GNPTAB: variants seen among roughly 807,000 people sequenced by gnomAD.
GNPTAB encodes N-acetylglucosamine-1-phosphotransferase subunits alpha/beta.
In GNPTAB, 92 loss-of-function variants were observed where a neutral mutation model predicts 136.6. That is an observed-to-expected ratio of 0.67 (90% CI 0.57 to 0.80). The LOEUF (loss-of-function observed/expected upper bound fraction) is 0.80. Ranked by LOEUF, GNPTAB falls within the 30% of genes least tolerant of loss-of-function variation. The pLI, the probability that GNPTAB is intolerant of heterozygous loss-of-function variation, is 0.00. For synonymous variants in GNPTAB, 512 were observed against 535.1 expected (o/e 0.96, Z 0.60); for missense variants, 1,343 against 1,501.8 (o/e 0.89, Z 1.75).
Position 101,768,326 on chromosome 12 carries a change from C to T in GNPTAB, c.1285-166G>A, listed in dbSNP as rs7963747. ...AGTGCTTTAAGTTTGCCTGTACCTA[C>T]AGTCATTGTTTAGATCCTGCTGCGT... On this transcript the variant is annotated intron_variant, in intron 10 of 20. Transcript: ENST00000299314. Among the ~76,000 whole-genome samples the T allele has an allele frequency of 0.58, 88,833 of 152,150 alleles. 26,445 individuals are homozygous for T. Among genetic ancestry groups the T allele is most frequent in the East Asian group, 0.9 (4,650 of 5,192 alleles).
intron 1 of GNPTAB, among the ~76,000 whole-genome samples, chr12:101,803,051 G>GT (rs977071000): frequency 1.3e-5 from 2 of 151,624 alleles, no homozygotes; most frequent in Non-Finnish European, 2.9e-5. Context: ...ATTAGGCTGA[G>GT]TTTAAAAAAA....
intron 20 of GNPTAB, 46 bp from the exon 21 acceptor site, chr12:101,747,287 G>C: frequency 8.9e-7 from 1 of 1,120,448 alleles, no homozygotes; most frequent in South Asian, 1.2e-5. Context: ...TCACGTTGAT[G>C]AAAGAATATA....
chr12:101,811,305 T>A (rs566904861), intron 1 of GNPTAB, among the ~76,000 whole-genome samples: 1 of 152,228 alleles, frequency 6.6e-6, no homozygotes, highest in East Asian at 1.9e-4. Flanking sequence ...ACGGACAGCA[T>A]GTAAATAAAT....
chr12:101,783,524 C>T (rs1487157715), intron 5 of GNPTAB, among the ~76,000 whole-genome samples: 2 of 152,064 alleles, frequency 1.3e-5, no homozygotes, highest in Non-Finnish European at 2.9e-5. Flanking sequence ...AATGAATTGC[C>T]ACTGGAGGAA....
chr12:101,766,212 T>G lies in GNPTAB; in HGVS notation c.1491A>C (p.Gly497=), dbSNP rs1198481329. The G allele has an allele frequency of 3.7e-6, 6 of 1,613,942 alleles. No individual in the cohort carries two copies. The highest frequency in any genetic ancestry group is 5.1e-6 in the Non-Finnish European group (6 of 1,179,948). ...TACAGTAAGAGACACTGTTTATTCC[T>G]CCACCAAACTGCCAGGGCTGTCCAA... ...IGVGQPWQFG[G]GINSVSYCNQ... is the part of the protein sequence containing the mutation. Residue 497 remains glycine, a synonymous_variant, in exon 12 of 21, where the codon GGA becomes GGC. Transcript: ENST00000299314.
intron 7 of GNPTAB, among the ~76,000 whole-genome samples, chr12:101,774,367 A>C (rs750985051): frequency 8.5e-5 from 13 of 152,260 alleles, no homozygotes; most frequent in Non-Finnish European, 1.9e-4. Flanking sequence ...TGGAATGTGT[A>C]ATTAGTAGGT....
rs1555271865 is a variant in GNPTAB at position 101,786,204 on chromosome 12, C to CT, written c.378dup (p.Glu127ArgfsTer9). 1 of 1,612,512 alleles carries CT rather than the reference C, an allele frequency of 6.2e-7. No individual in the cohort carries two copies. Among genetic ancestry groups the CT allele is most frequent in the Non-Finnish European group, 8.5e-7 (1 of 1,178,998 alleles). On this transcript the variant is annotated frameshift_variant, in exon 5 of 21. Coordinates refer to ENST00000299314, the MANE Select transcript of GNPTAB (RefSeq NM_024312.5). LOFTEE classifies it high-confidence loss of function. ...TTAATGCAGTGTGTTAGCAAACACT[C>CT]TAACTGCTTCTCACTGGAAAGAAAC...
At position 101,796,451 on chromosome 12, in the gene GNPTAB, CT is replaced by C. The variant is rs1356682924; in HGVS notation, c.203+225del. 8.0e-6 allele frequency: 5 copies of C among 625,502 alleles called. No individual in the cohort carries two copies. In the African/African-American group the frequency reaches 9.2e-5, roughly 11 times the overall value. The allele number at this position is 625,502 out of a possible 1,614,324, so 38.7% of individuals were successfully genotyped here. On this transcript the variant is annotated intron_variant, in intron 2 of 20. Transcript: ENST00000299314. ...ATACTTCATGAATTGGTGTGTCACC[CT>C]TGCACAGGGGCCACACTAATCTTCT...
Position 101,786,054 on chromosome 12 carries a change from A to G in GNPTAB, c.529T>C (p.Ser177Pro). The change falls in exon 5 of 21, where the codon TCT becomes CCT. Residue 177 changes from serine (S) to proline (P), a missense_variant. Coordinates refer to ENST00000299314, the MANE Select transcript of GNPTAB (RefSeq NM_024312.5). The part of the protein sequence containing the change: ...IFNVAKPKNP[S>P]TNVSVVVFDS... Reference sequence around the variant, plus strand: ...AAAACAACAACTGAGACATTGGTAGAAGGGTTTTTTGGTTTTGCAACATTG... The same window carrying G: ...AAAACAACAACTGAGACATTGGTAGGAGGGTTTTTTGGTTTTGCAACATTG... The G allele has an allele frequency of 6.2e-7, 1 of 1,614,102 alleles. No homozygotes were observed. Among genetic ancestry groups the G allele is most frequent in the South Asian group, 1.1e-5 (1 of 91,086 alleles).
At chr12:101,809,163 T>C (rs1267289543) in intron 1 of GNPTAB, among the ~76,000 whole-genome samples, 1 of 152,090 alleles carries the variant, frequency 6.6e-6, no homozygotes, top group Non-Finnish European at 1.5e-5. Context: ...AACATACAGA[T>C]GGTAAACAAG....
rs34261197 is a variant in GNPTAB, at chr12:101,787,913, C to CAAA, written c.365+632_365+634dup. On this transcript the variant is annotated intron_variant, in intron 4 of 20. Coordinates refer to ENST00000299314, the MANE Select transcript of GNPTAB (RefSeq NM_024312.5). ...GGACAACAAGAGCAAAACTCCGTCT[C>CAAA]AAAAAAAAAAAAAAAAAGGCACTTC... is the stretch of plus-strand genomic sequence containing the variant. Among the ~76,000 whole-genome samples the CAAA allele has an allele frequency of 5.6e-3, 707 of 126,802 alleles. 21 individuals carry two copies. The highest frequency in any genetic ancestry group is 0.017 in the African/African-American group (559 of 33,324). 83.2% of individuals were successfully genotyped at this position (126,802 alleles called of 152,430 possible).
At position 101,780,224 on chromosome 12, in the gene GNPTAB, A is replaced by G. The variant is rs1594229405; in HGVS notation, c.699T>C (p.Phe233=). Reference sequence around the variant, plus strand: ...GATTTGTTTCCTTGAATGTTGGTGGAAATCCACTCAGGAAAGCCAAATCTT... The same window carrying G: ...GATTTGTTTCCTTGAATGTTGGTGGGAATCCACTCAGGAAAGCCAAATCTT... The part of the protein sequence containing the change: ...LMQDLAFLSG[F]PPTFKETNQL... The change falls in exon 7 of 21, where the codon TTT becomes TTC. Residue 233 remains phenylalanine, a synonymous_variant. Transcript: ENST00000299314. 6.2e-7 allele frequency: 1 copy of G among 1,613,472 alleles called. No homozygotes were observed. Among genetic ancestry groups the G allele is most frequent in the East Asian group, 2.2e-5 (1 of 44,858 alleles).
intron 10 of GNPTAB, among the ~76,000 whole-genome samples, chr12:101,768,809 T>C (rs1662916624): frequency 6.6e-6 from 1 of 152,214 alleles, no homozygotes; most frequent in African/African-American, 2.4e-5. Flanking sequence ...CCTAAACTAA[T>C]TCTTACTTGT....
intron 7 of GNPTAB, among the ~76,000 whole-genome samples, chr12:101,775,763 A>C (rs1472547794): frequency 6.6e-6 from 1 of 152,168 alleles, no homozygotes; most frequent in Non-Finnish European, 1.5e-5. Context: ...AAAAAGAAAA[A>C]GGTACCGTGC....
chr12:101,793,320 T>G (rs1298519928), intron 2 of GNPTAB, among the ~76,000 whole-genome samples: 1 of 152,204 alleles, frequency 6.6e-6, no homozygotes, highest in East Asian at 1.9e-4. Context: ...TTTAAAAAAC[T>G]GCTTCAGTGA....
chr12:101,826,950 GTTTTTTTTTTT>G lies in GNPTAB; in HGVS notation c.117+3598_117+3608del, dbSNP rs902178707. On this transcript the variant is annotated intron_variant, in intron 1 of 20. Transcript: ENST00000299314. ...TCTGAAGGCTCTCCCTGTGGGAGTT[GTTTTTTTTTTT>G]TTTTTTTTTTTTTTTTTGAGACCAG... Among the ~76,000 whole-genome samples, 422 of 62,366 alleles carry G rather than the reference GTTTTTTTTTTT, an allele frequency of 6.8e-3. 1 individual carries two copies. The highest frequency in any genetic ancestry group is 0.027 in the African/African-American group (390 of 14,356). The allele number at this position is 62,366 out of a possible 152,430, so 40.9% of individuals were successfully genotyped here.
intron 5 of GNPTAB, 70 bp downstream of exon 5, chr12:101,785,942 C>G (rs991014789): frequency 1.8e-6 from 2 of 1,119,082 alleles, no homozygotes; most frequent in Non-Finnish European, 2.7e-6. Context: ...CATTTCTATT[C>G]CACTCAGAAT....
intron 1 of GNPTAB, among the ~76,000 whole-genome samples, chr12:101,797,347 G>A (rs1032431780): frequency 1.1e-4 from 17 of 152,040 alleles, no homozygotes; most frequent in Admixed American, 3.9e-4. Context: ...GGGACAGGCC[G>A]GGCACGGTGG....
intron 1 of GNPTAB, among the ~76,000 whole-genome samples, chr12:101,797,782 T>C (rs1009687310): frequency 2.0e-5 from 3 of 152,168 alleles, no homozygotes; most frequent in African/African-American, 7.2e-5. Context: ...CCTAAATCTA[T>C]AAACCTACCC....
Sources: allele counts gnomAD v4.1 joint callset (sites outside exome capture counted in the v4.1 genomes callset), GRCh38; gene constraint gnomAD v4.1.1; transcripts MANE v1.5; gene names NCBI Gene and HGNC (gene_info 2026-07-23, HGNC 2026-07-21).